The following KCNH7 variants were observed in gnomAD, a reference collection of about 807,000 sequenced individuals.
KCNH7 encodes potassium voltage-gated channel subfamily H member 7, also known as voltage-gated inwardly rectifying potassium channel KCNH7.
A neutral mutation model predicts 120.8 loss-of-function variants in KCNH7; 49 were observed. The observed-to-expected ratio is 0.41, with a 90% confidence interval of 0.32 to 0.51. The LOEUF is 0.51. Among genes scored for constraint, KCNH7 ranks in the 20% least tolerant of loss-of-function variants. KCNH7 has a pLI of 0.38. For synonymous variants in KCNH7, 547 were observed against 516.1 expected (o/e 1.06, Z -0.81); for missense variants, 1,097 against 1,446.6 (o/e 0.76, Z 3.92).
At chr2:162,835,162 G>A (rs1199710208) in intron 2 of KCNH7, among the ~76,000 whole-genome samples, 1 of 151,780 alleles carries the variant, frequency 6.6e-6, no homozygotes, top group Admixed American at 6.6e-5. Flanking sequence ...GAGAAACATG[G>A]GAAGAACTTT....
In KCNH7 at chr2:162,719,920, T is replaced by C. The variant is rs181513026; in HGVS notation, c.307+116617A>G. 6.0e-4 allele frequency among the ~76,000 whole-genome samples: 91 copies of C among 152,180 alleles called. 1 individual carries two copies. The highest frequency in any genetic ancestry group is 2.2e-3 in the African/African-American group (90 of 41,568). ...AATACACTCTTCATTTGTGGTTATGTTTAATCATATTTAAAATACTAGGAG... is the reference window on the plus strand; with the variant it reads ...AATACACTCTTCATTTGTGGTTATGCTTAATCATATTTAAAATACTAGGAG... On this transcript the variant is annotated intron_variant, in intron 2 of 15. Coordinates refer to ENST00000332142, the MANE Select transcript of KCNH7 (RefSeq NM_033272.4).
chr2:162,633,467 A>T (rs927298297), intron 2 of KCNH7, among the ~76,000 whole-genome samples: 17 of 151,948 alleles, frequency 1.1e-4, no homozygotes, highest in African/African-American at 4.1e-4. Context: ...ACACTGAAAG[A>T]TTGTGTAGAT....
At chr2:162,445,900 T>C (rs1558949102) in intron 7 of KCNH7, 118 bp downstream of exon 7, 1 of 782,418 alleles carries the variant, frequency 1.3e-6, no homozygotes, top group East Asian at 2.7e-5. Flanking sequence ...CAATTGAAAA[T>C]GAATTTTATC....
intron 6 of KCNH7, among the ~76,000 whole-genome samples, chr2:162,452,642 G>A (rs1292354667): frequency 4.6e-5 from 7 of 152,002 alleles, no homozygotes; most frequent in Non-Finnish European, 1.0e-4. Flanking sequence ...AGTGTACTTA[G>A]CTACATTGCT....
intron 2 of KCNH7, among the ~76,000 whole-genome samples, chr2:162,610,746 GT>G (rs1365977953): frequency 6.6e-6 from 1 of 152,094 alleles, no homozygotes; most frequent in African/African-American, 2.4e-5. Flanking sequence ...TTAGTAATGT[GT>G]TTTCTTTTTC....
intron 11 of KCNH7, among the ~76,000 whole-genome samples, chr2:162,396,118 A>G (rs1052882770): frequency 4.0e-5 from 6 of 151,788 alleles, no homozygotes; most frequent in African/African-American, 1.4e-4. Flanking sequence ...AGAAAAGAGT[A>G]AGGAACATAA....
intron 3 of KCNH7, among the ~76,000 whole-genome samples, chr2:162,519,533 C>T (rs1427621439): frequency 6.6e-6 from 1 of 151,574 alleles, no homozygotes; most frequent in Non-Finnish European, 1.5e-5. Context: ...CTTTATGTAT[C>T]TTTTTTTATG....
chr2:162,572,876 A>G (rs553963461), intron 2 of KCNH7, among the ~76,000 whole-genome samples: 58 of 152,018 alleles, frequency 3.8e-4, no homozygotes, highest in African/African-American at 1.3e-3. Context: ...GAATGGGAAC[A>G]TCACACTCTG....
At chr2:162,501,789 C>T (rs1175151199) in intron 6 of KCNH7, among the ~76,000 whole-genome samples, 1 of 152,054 alleles carries the variant, frequency 6.6e-6, no homozygotes, top group Non-Finnish European at 1.5e-5. Context: ...TGAAAGGTCC[C>T]ACCTCCAAAT....
At chr2:162,437,101 A>C (rs989453165) in intron 7 of KCNH7, among the ~76,000 whole-genome samples, 1 of 152,196 alleles carries the variant, frequency 6.6e-6, no homozygotes, top group Non-Finnish European at 1.5e-5. Flanking sequence ...AGCCTGGGCA[A>C]CAGAGCAAGA....
At chr2:162,763,044 C>G (rs990792777) in intron 2 of KCNH7, among the ~76,000 whole-genome samples, 1 of 152,104 alleles carries the variant, frequency 6.6e-6, no homozygotes, top group African/African-American at 2.4e-5. Flanking sequence ...AGATCCATCA[C>G]TGCTACTATG....
chr2:162,488,279 C>T (rs1373136247), intron 6 of KCNH7, among the ~76,000 whole-genome samples: 1 of 152,190 alleles, frequency 6.6e-6, no homozygotes, highest in African/African-American at 2.4e-5. Flanking sequence ...TTCTTTACTT[C>T]AAGCAGCTAC....
chr2:162,763,781 TG>T (rs1441520810), intron 2 of KCNH7, among the ~76,000 whole-genome samples: 4 of 151,178 alleles, frequency 2.6e-5, no homozygotes, highest in East Asian at 1.9e-4. Flanking sequence ...GTTTTGCTTT[TG>T]TTTTTTTTTA....
intron 6 of KCNH7, among the ~76,000 whole-genome samples, chr2:162,465,243 C>T (rs762744540): frequency 2.0e-5 from 3 of 152,062 alleles, no homozygotes; most frequent in African/African-American, 4.8e-5. Context: ...TTGAGCTAAG[C>T]GATCTCTAAT....
At chr2:162,567,791 A>G (rs1350734261) in intron 2 of KCNH7, among the ~76,000 whole-genome samples, 1 of 152,064 alleles carries the variant, frequency 6.6e-6, no homozygotes, top group East Asian at 1.9e-4. Flanking sequence ...TTAAGACCTT[A>G]AAGGTGTTAA....
intron 2 of KCNH7, among the ~76,000 whole-genome samples, chr2:162,717,832 GA>G (rs1244724129): frequency 1.3e-5 from 2 of 151,958 alleles, no homozygotes; most frequent in African/African-American, 2.4e-5. Context: ...AGTATTACTT[GA>G]AAAGTACAAT....
intron 6 of KCNH7, among the ~76,000 whole-genome samples, chr2:162,504,203 G>A (rs898635562): frequency 1.3e-5 from 2 of 151,982 alleles, no homozygotes; most frequent in African/African-American, 2.4e-5. Flanking sequence ...CTCTACGAAA[G>A]TGGGAGCAAC....
chr2:162,631,531 C>T (rs1683767148), intron 2 of KCNH7, among the ~76,000 whole-genome samples: 3 of 151,896 alleles, frequency 2.0e-5, no homozygotes, highest in Admixed American at 1.3e-4. Context: ...TTAATTTTAA[C>T]TTATAAGATT....
chr2:162,394,583 A>G (rs572918753), intron 11 of KCNH7, 98 bp from the exon 12 acceptor site: 134 of 705,084 alleles, frequency 1.9e-4, no homozygotes, highest in East Asian at 4.3e-4. Flanking sequence ...TGTTTCAACC[A>G]TCTTGAGACT....
Sources: gnomAD v4.1 joint callset for allele counts (sites outside exome capture counted in the v4.1 genomes callset) on GRCh38, gnomAD v4.1.1 for gene constraint, MANE v1.5 for transcripts, NCBI Gene and HGNC (gene_info 2026-07-23, HGNC 2026-07-21) for gene names.